The following ARHGAP26 variants were observed in gnomAD, a reference collection of about 807,000 sequenced individuals.
The protein encoded by ARHGAP26 is Rho GTPase activating protein 26, also known as rho GTPase-activating protein 26.
In ARHGAP26, 38 loss-of-function variants were observed where a neutral mutation model predicts 104.8. That is an observed-to-expected ratio of 0.36 (90% CI 0.28 to 0.48). The LOEUF (loss-of-function observed/expected upper bound fraction) is 0.48, where lower values mean the gene tolerates loss of function less well. Among genes scored for constraint, ARHGAP26 ranks in the 20% least tolerant of loss-of-function variants. The pLI, the probability that ARHGAP26 is intolerant of heterozygous loss-of-function variation, is 0.99. For missense variants in ARHGAP26, 704 were observed against 947.9 expected (o/e 0.74, Z 3.38); for synonymous variants, 341 against 340.0 (o/e 1.00, Z -0.03).
chr5:143,037,305 G>C (rs370888490), intron 13 of ARHGAP26, 44 bp downstream of exon 13: 147 of 1,510,406 alleles, frequency 9.7e-5, no homozygotes, highest in Non-Finnish European at 1.3e-4. Flanking sequence ...AGAAGGTCAC[G>C]CATCTGGTGA....
At chr5:143,189,249 G>A (rs1392595641) in intron 20 of ARHGAP26, among the ~76,000 whole-genome samples, 1 of 152,182 alleles carries the variant, frequency 6.6e-6, no homozygotes. Context: ...AAGAGACTGT[G>A]AAGGAGCTTA....
chr5:142,913,974 G>A (rs956839524), intron 10 of ARHGAP26, among the ~76,000 whole-genome samples: 5 of 152,134 alleles, frequency 3.3e-5, no homozygotes, highest in African/African-American at 1.2e-4. Context: ...TGAAACCCAC[G>A]TGTTAAGCTT....
At chr5:143,089,103 T>C (rs1791032355) in intron 17 of ARHGAP26, among the ~76,000 whole-genome samples, 1 of 152,222 alleles carries the variant, frequency 6.6e-6, no homozygotes, top group African/African-American at 2.4e-5. Flanking sequence ...GAAAATAAAT[T>C]TAAAACTTAT....
intron 11 of ARHGAP26, among the ~76,000 whole-genome samples, chr5:142,979,359 G>C (rs1773592339): frequency 6.6e-6 from 1 of 152,120 alleles, no homozygotes; most frequent in Non-Finnish European, 1.5e-5. Flanking sequence ...TCAGAGTTTT[G>C]CTCTGCAATT....
At chr5:143,032,840 T>C (rs911068767) in intron 12 of ARHGAP26, among the ~76,000 whole-genome samples, 4 of 152,168 alleles carry the variant, frequency 2.6e-5, no homozygotes, top group Non-Finnish European at 5.9e-5. Context: ...TGTGCATGCA[T>C]GCACATGTGT....
At chr5:143,177,523 T>C (rs258760) in intron 20 of ARHGAP26, among the ~76,000 whole-genome samples, 110,712 of 152,096 alleles carry the variant, frequency 0.73, 41,019 homozygotes, top group East Asian at 0.99. Flanking sequence ...TTGATATGCA[T>C]GCTCACCCAT....
chr5:142,994,229 A>G (rs1776053593), intron 11 of ARHGAP26, among the ~76,000 whole-genome samples: 1 of 152,216 alleles, frequency 6.6e-6, no homozygotes. Flanking sequence ...AGGGCATTGA[A>G]GGATGTTCAC....
At chr5:143,138,967 G>A (rs1249412187) in intron 19 of ARHGAP26, among the ~76,000 whole-genome samples, 1 of 152,098 alleles carries the variant, frequency 6.6e-6, no homozygotes, top group African/African-American at 2.4e-5. Context: ...TTCAAATTGT[G>A]GGATGGTTCC....
At chr5:143,009,090 C>T (rs995856486) in intron 11 of ARHGAP26, among the ~76,000 whole-genome samples, 1 of 152,054 alleles carries the variant, frequency 6.6e-6, no homozygotes, top group Non-Finnish European at 1.5e-5. Context: ...TGGTGTTTAT[C>T]GTCAGGATCG....
At chr5:142,991,240 G>A (rs186703551) in intron 11 of ARHGAP26, among the ~76,000 whole-genome samples, 12 of 152,332 alleles carry the variant, frequency 7.9e-5, no homozygotes, top group South Asian at 2.1e-4. Flanking sequence ...GCAAGGCTCC[G>A]TGGGCGTGGG....
At chr5:142,872,749 T>C (rs1241984640) in intron 1 of ARHGAP26, among the ~76,000 whole-genome samples, 6 of 152,258 alleles carry the variant, frequency 3.9e-5, no homozygotes, top group Non-Finnish European at 7.4e-5. Flanking sequence ...GTTCTCCTGG[T>C]GGTGTTGGAT....
intron 21 of ARHGAP26, 155 bp downstream of exon 21, chr5:143,207,463 G>GA: frequency 6.2e-7 from 1 of 1,613,966 alleles, no homozygotes; most frequent in Non-Finnish European, 8.5e-7. Flanking sequence ...AGCGGTACAT[G>GA]AAGACTCCAG....
intron 13 of ARHGAP26, 61 bp from the exon 14 acceptor site, chr5:143,041,755 G>A: frequency 7.9e-7 from 1 of 1,273,630 alleles, no homozygotes; most frequent in Non-Finnish European, 1.1e-6. Context: ...CATTTGGCTG[G>A]ATTGGCCTGA....
intron 5 of ARHGAP26, among the ~76,000 whole-genome samples, chr5:142,890,017 C>T (rs1758280929): frequency 6.7e-6 from 1 of 150,206 alleles, no homozygotes; most frequent in Non-Finnish European, 1.5e-5. Flanking sequence ...TGCCTGTAAT[C>T]CCAGCTACTT....
intron 20 of ARHGAP26, among the ~76,000 whole-genome samples, chr5:143,171,003 C>T (rs899224065): frequency 1.3e-5 from 2 of 151,672 alleles, no homozygotes; most frequent in Admixed American, 6.6e-5. Flanking sequence ...CAGAGGTCAG[C>T]GGGCCAGAGT....
In ARHGAP26 at chr5:143,226,897, T is replaced by G. The variant is rs1456373664; in HGVS notation, c.*4451T>G. On this transcript the variant is annotated 3_prime_UTR_variant, in exon 23 of 23. Transcript: ENST00000645722. ...AAGGCACTTGCCCAGAGCTGCAGAGTTGTGTGTGCCATACCTGCGGCTCAA... is the reference window on the plus strand; with the variant it reads ...AAGGCACTTGCCCAGAGCTGCAGAGGTGTGTGTGCCATACCTGCGGCTCAA... 1 of 225,992 alleles carries G rather than the reference T, an allele frequency of 4.4e-6. No individual in the cohort carries two copies. The highest frequency in any genetic ancestry group is 8.8e-6 in the Non-Finnish European group (1 of 113,690). The allele number at this position is 225,992 out of a possible 1,614,324, so 14.0% of individuals were successfully genotyped here.
At position 143,225,579 on chromosome 5, in the gene ARHGAP26, G is replaced by T. The variant is rs1018588478; in HGVS notation, c.*3133G>T. On this transcript the variant is annotated 3_prime_UTR_variant, in exon 23 of 23. Transcript: ENST00000645722. ...AGAAGGCCAAGATCCTTGCTTTGGG[G>T]GTGCCTCACGAAGCATCCCTGTAGA... The T allele has an allele frequency of 1.9e-5, 4 of 213,622 alleles. No individual in the cohort carries two copies. The highest frequency in any genetic ancestry group is 2.8e-5 in the Non-Finnish European group (3 of 105,422). The allele number at this position is 213,622 out of a possible 1,614,324, so 13.2% of individuals were successfully genotyped here.
intron 11 of ARHGAP26, among the ~76,000 whole-genome samples, chr5:142,992,355 T>C (rs1031937097): frequency 1.3e-5 from 2 of 152,160 alleles, no homozygotes; most frequent in African/African-American, 2.4e-5. Flanking sequence ...AATAATTAAC[T>C]ATTTCACAAC....
chr5:143,094,876 C>G (rs549705716), intron 17 of ARHGAP26, among the ~76,000 whole-genome samples: 1 of 151,828 alleles, frequency 6.6e-6, no homozygotes, highest in African/African-American at 2.4e-5. Context: ...AGCAGGTAAT[C>G]GGAATGAGTC....
Sources: gnomAD v4.1 joint callset for allele counts (sites outside exome capture counted in the v4.1 genomes callset) on GRCh38, gnomAD v4.1.1 for gene constraint, MANE v1.5 for transcripts, NCBI Gene and HGNC (gene_info 2026-07-23, HGNC 2026-07-21) for gene names.